Variants in RANBP17 observed in about 807,000 individuals in gnomAD.
The protein encoded by RANBP17 is ran-binding protein 17.
RANBP17 carries 158 observed loss-of-function variants against 141.2 expected under a neutral mutation model. The ratio of observed to expected loss-of-function variants is 1.12; its 90% CI spans 0.98 to 1.28. The LOEUF is 1.28. Among genes scored for constraint, RANBP17 ranks in the 50% most tolerant of loss-of-function variants. The probability of loss-of-function intolerance (pLI) is 0.00; values close to 1 mark genes in which losing one functional copy is unlikely to be tolerated. For synonymous variants in RANBP17, 430 were observed against 450.0 expected (o/e 0.96, Z 0.56); for missense variants, 1,438 against 1,290.7 (o/e 1.11, Z -1.75).
chr5:171,120,377 A>G (rs924557440), intron 14 of RANBP17, among the ~76,000 whole-genome samples: 1 of 152,240 alleles, frequency 6.6e-6, no homozygotes, highest in African/African-American at 2.4e-5. Flanking sequence ...AAAAAACCTT[A>G]GCAGTTTACC....
intron 14 of RANBP17, among the ~76,000 whole-genome samples, chr5:171,067,241 T>C (rs1246926268): frequency 6.6e-6 from 1 of 152,194 alleles, no homozygotes; most frequent in African/African-American, 2.4e-5. Flanking sequence ...TGACTTGATA[T>C]TAAGATTACT....
chr5:171,062,060 T>C (rs111993104), intron 14 of RANBP17, among the ~76,000 whole-genome samples: 13 of 151,532 alleles, frequency 8.6e-5, no homozygotes, highest in South Asian at 6.3e-4. Flanking sequence ...TGTCTCTGCA[T>C]GTGAGATGGG....
At chr5:171,063,337 T>C (rs184866923) in intron 14 of RANBP17, among the ~76,000 whole-genome samples, 4 of 152,208 alleles carry the variant, frequency 2.6e-5, no homozygotes, top group Non-Finnish European at 4.4e-5. Flanking sequence ...GATGGGTTTT[T>C]GGTGTGGATG....
intron 24 of RANBP17, among the ~76,000 whole-genome samples, chr5:171,264,319 A>G (rs1581145532): frequency 6.6e-6 from 1 of 152,148 alleles, no homozygotes; most frequent in Non-Finnish European, 1.5e-5. Flanking sequence ...TGATGGGTGC[A>G]CCAGAATCTC....
intron 25 of RANBP17, among the ~76,000 whole-genome samples, chr5:171,272,922 G>A (rs555515888): frequency 2.0e-5 from 3 of 151,832 alleles, no homozygotes; most frequent in South Asian, 4.2e-4. Flanking sequence ...ACTTTCTTAC[G>A]CTACACCCAC....
intron 24 of RANBP17, among the ~76,000 whole-genome samples, chr5:171,258,150 C>T (rs2128011313): frequency 6.7e-6 from 1 of 149,680 alleles, no homozygotes; most frequent in South Asian, 2.1e-4. Flanking sequence ...CACACACACA[C>T]ACACACACAC....
At chr5:171,112,799 C>G (rs1755337685) in intron 14 of RANBP17, among the ~76,000 whole-genome samples, 1 of 151,830 alleles carries the variant, frequency 6.6e-6, no homozygotes, top group Non-Finnish European at 1.5e-5. Flanking sequence ...CATTTTTATC[C>G]TGTAAACATT....
Position 170,954,542 on chromosome 5 carries a change from A to ACC in RANBP17, c.1574+841_1574+842insCC, listed in dbSNP as rs1394692817. Among the ~76,000 whole-genome samples, 4 of 145,236 alleles carry ACC rather than the reference A, an allele frequency of 2.8e-5. No individual in the cohort carries two copies. The East Asian group carries it at 5.8e-4, about 21-fold the overall frequency. Reference sequence around the variant, plus strand: ...CACACACACACACACACACACACACACACCCCAACCCCACCCACCCACCTC... The same window carrying ACC: ...CACACACACACACACACACACACACACCCACCCCAACCCCACCCACCCACCTC... On this transcript the variant is annotated intron_variant, in intron 13 of 27. Transcript: ENST00000523189.
chr5:171,122,662 C>G (rs1756124232), intron 14 of RANBP17, among the ~76,000 whole-genome samples: 1 of 152,186 alleles, frequency 6.6e-6, no homozygotes, highest in South Asian at 2.1e-4. Context: ...TCCTGCAGTC[C>G]TAGCCATTGG....
intron 13 of RANBP17, among the ~76,000 whole-genome samples, chr5:170,962,087 A>C (rs544153735): frequency 3.8e-4 from 58 of 152,362 alleles, no homozygotes; most frequent in African/African-American, 1.3e-3. Flanking sequence ...ACAAGATGGA[A>C]GGAACCTGAG....
intron 5 of RANBP17, chr5:170,903,928 A>T: frequency 1.9e-6 from 1 of 523,464 alleles, no homozygotes. Context: ...CCTCAGCTTC[A>T]TTATCTTGTA....
At chr5:171,277,938 C>CCTT (rs1554127986) in intron 25 of RANBP17, among the ~76,000 whole-genome samples, 3 of 72,266 alleles carry the variant, frequency 4.2e-5, no homozygotes, top group African/African-American at 5.7e-5. Flanking sequence ...GGACTTCTTT[C>CCTT]TTTTTTTTTT....
chr5:171,199,421 A>G (rs747491242), intron 18 of RANBP17, among the ~76,000 whole-genome samples: 2 of 152,146 alleles, frequency 1.3e-5, no homozygotes, highest in South Asian at 2.1e-4. Flanking sequence ...GCATGAGTCT[A>G]TTAGATCCAC....
intron 1 of RANBP17, among the ~76,000 whole-genome samples, chr5:170,868,538 C>T (rs1344163519): frequency 6.6e-6 from 1 of 152,130 alleles, no homozygotes; most frequent in Non-Finnish European, 1.5e-5. Flanking sequence ...CCTCAAAGTG[C>T]TGAGATTACA....
At chr5:171,135,045 G>A (rs573070221) in intron 14 of RANBP17, among the ~76,000 whole-genome samples, 85 of 150,622 alleles carry the variant, frequency 5.6e-4, no homozygotes, top group African/African-American at 2.0e-3. Context: ...GAGATGGGTG[G>A]ATAACTTGAG....
At chr5:170,900,885 T>C (rs927112354) in intron 5 of RANBP17, among the ~76,000 whole-genome samples, 1 of 151,796 alleles carries the variant, frequency 6.6e-6, no homozygotes, top group East Asian at 1.9e-4. Flanking sequence ...GAGACTGTTA[T>C]GATTTTGGTT....
chr5:171,160,628 C>T (rs1388162647), intron 14 of RANBP17, among the ~76,000 whole-genome samples: 1 of 152,114 alleles, frequency 6.6e-6, no homozygotes, highest in Non-Finnish European at 1.5e-5. Context: ...TATTCCTAAC[C>T]ACTTCACTAG....
intron 5 of RANBP17, 62 bp from the exon 6 acceptor site, chr5:170,909,599 A>C: frequency 5.6e-6 from 1 of 178,518 alleles, no homozygotes. Flanking sequence ...TTTTTTTTTT[A>C]GTAAATTTTG....
chr5:171,029,791 T>A (rs1188291808), intron 14 of RANBP17, among the ~76,000 whole-genome samples: 4 of 152,110 alleles, frequency 2.6e-5, no homozygotes, highest in Non-Finnish European at 5.9e-5. Context: ...AAAATCTACA[T>A]GTATTCTGAC....
Sources: allele counts gnomAD v4.1 joint callset (sites outside exome capture counted in the v4.1 genomes callset), GRCh38; gene constraint gnomAD v4.1.1; transcripts MANE v1.5; gene names NCBI Gene and HGNC (gene_info 2026-07-23, HGNC 2026-07-21).